The following SNPH variants were observed in gnomAD, a reference collection of about 807,000 sequenced individuals.
The protein encoded by SNPH is syntaphilin.
In SNPH, 10 loss-of-function variants were observed where a neutral mutation model predicts 36.8. The observed-to-expected ratio is 0.27, with a 90% CI of 0.17 to 0.46. SNPH has a LOEUF of 0.46. Among genes scored for constraint, SNPH ranks in the 20% least tolerant of loss-of-function variants. The probability of loss-of-function intolerance (pLI) is 1.00; values close to 1 mark genes in which losing one functional copy is unlikely to be tolerated. For missense variants in SNPH, 622 were observed against 744.0 expected (o/e 0.84, Z 1.91); for synonymous variants, 281 against 312.2 (o/e 0.90, Z 1.05).
Position 1,305,610 on chromosome 20 carries a change from G to C in SNPH, c.1173G>C (p.Arg391Ser), listed in dbSNP as rs1443742269. ...GGACAGACCCTGAGTCAGGGGACAGGTGCCCAGAGCTGGATGCCCACCCTT... is the reference window on the plus strand; with the variant it reads ...GGACAGACCCTGAGTCAGGGGACAGCTGCCCAGAGCTGGATGCCCACCCTT... Reference protein sequence around the residue: ...VCGTDPESGDRCPELDAHPSG... With the variant: ...VCGTDPESGDSCPELDAHPSG... The change falls in exon 7 of 7, where the codon AGG (arginine) becomes AGC (serine). Residue 391 changes from arginine to serine, a missense_variant. By Grantham distance (110) the Arg-to-Ser change is moderately radical (BLOSUM62 -1). Around this residue, in one of 3 missense-constraint regions of SNPH, gnomAD observed 379 missense variants for 427.9 expected, o/e 0.89. Coordinates refer to ENST00000381867, the MANE Select transcript of SNPH (RefSeq NM_001318234.2). 22 of 1,613,444 alleles carry C rather than the reference G, an allele frequency of 1.4e-5. No individual in the cohort carries two copies. The Admixed American group carries it at 3.3e-4, about 24-fold the overall frequency.
intron 4 of SNPH, 179 bp from the exon 5 acceptor site, chr20:1,296,966 T>C (rs1455958123): frequency 4.9e-6 from 4 of 822,730 alleles, no homozygotes; most frequent in Non-Finnish European, 5.9e-6. Context: ...GTTTTCCATC[T>C]TGATTTGCAC....
chr20:1,283,833 GAGA>G (rs776055654), intron 2 of SNPH, among the ~76,000 whole-genome samples: 28 of 152,284 alleles, frequency 1.8e-4, no homozygotes, highest in Non-Finnish European at 2.9e-4. Flanking sequence ...TCAATCTGCT[GAGA>G]AGGAGGAGAA....
At chr20:1,291,335 G>A (rs73579338) in intron 2 of SNPH, among the ~76,000 whole-genome samples, 183 of 152,342 alleles carry the variant, frequency 1.2e-3, no homozygotes, top group African/African-American at 4.1e-3. Context: ...GAAACAGGAA[G>A]CAAGCTGGAG....
At chr20:1,295,340 G>A (rs2088415426) in intron 3 of SNPH, among the ~76,000 whole-genome samples, 1 of 152,216 alleles carries the variant, frequency 6.6e-6, no homozygotes, top group Non-Finnish European at 1.5e-5. Context: ...ACCCAGGAAA[G>A]AAGCCTAAGG....
At position 1,304,016 on chromosome 20, in the gene SNPH, AC is replaced by A. The variant is rs1305559359; in HGVS notation, c.441-860del. 6.6e-6 allele frequency among the ~76,000 whole-genome samples: 1 copy of A among 151,074 alleles called. No homozygotes were observed. The highest frequency in any genetic ancestry group is 2.4e-5 in the African/African-American group (1 of 40,998). ...ACCTGATGGCATATTTTTCTAACTT[AC>A]CTCCCTCCCCTTGCACCCCTGGATT... On this transcript the variant is annotated intron_variant, in intron 6 of 6. Transcript: ENST00000381867. The surrounding 1 kb of genome is among the most constrained non-coding windows in gnomAD (Gnocchi z 4.3).
At position 1,266,835 on chromosome 20, in the gene SNPH, C is replaced by G. The variant is rs1398932804; in HGVS notation, c.-493+75C>G. The G allele has an allele frequency of 2.3e-6, 3 of 1,303,636 alleles. No individual in the cohort carries two copies. Among genetic ancestry groups the G allele is most frequent in the African/African-American group, 1.5e-5 (1 of 64,584 alleles). 80.8% of individuals were successfully genotyped at this position (1,303,636 alleles called of 1,614,324 possible). ...CAGGTGGGGGCCGCTTGCAACCGCTCGCTGCGGTAGAATCCCTTGGAGGGC... is the reference window on the plus strand; with the variant it reads ...CAGGTGGGGGCCGCTTGCAACCGCTGGCTGCGGTAGAATCCCTTGGAGGGC... On this transcript the variant is annotated intron_variant, in intron 2 of 6. Transcript: ENST00000381867. The surrounding 1 kb of genome is among the most constrained non-coding windows in gnomAD (Gnocchi z 6.0).
intron 2 of SNPH, among the ~76,000 whole-genome samples, chr20:1,281,137 A>G (rs924230852): frequency 1.9e-4 from 29 of 152,060 alleles, no homozygotes; most frequent in African/African-American, 6.8e-4. Flanking sequence ...CGTCATCACA[A>G]TTCTTCCCTT....
chr20:1,298,202 C>CTT (rs1300137763), intron 5 of SNPH, among the ~76,000 whole-genome samples: 1 of 152,194 alleles, frequency 6.6e-6, no homozygotes, highest in Non-Finnish European at 1.5e-5. Context: ...TAAAGTGGAG[C>CTT]TAATAACTCG....
In SNPH at chr20:1,304,244, G is replaced by A. The variant is rs1174493214; in HGVS notation, c.441-634G>A. On this transcript the variant is annotated intron_variant, in intron 6 of 6. Coordinates refer to ENST00000381867, the MANE Select transcript of SNPH (RefSeq NM_001318234.2). The surrounding 1 kb of genome is among the most constrained non-coding windows in gnomAD (Gnocchi z 4.3). Reference sequence around the variant, plus strand: ...AAGCTTCTAGCATGGATAGATGAGAGCCACCCTGTTCTTATCACTCTCCCG... The same window carrying A: ...AAGCTTCTAGCATGGATAGATGAGAACCACCCTGTTCTTATCACTCTCCCG... Among the ~76,000 whole-genome samples, 2 of 152,114 alleles carry A rather than the reference G, an allele frequency of 1.3e-5. No homozygotes were observed. Among genetic ancestry groups the A allele is most frequent in the Admixed American group, 6.5e-5 (1 of 15,272 alleles).
At position 1,285,746 on chromosome 20, in the gene SNPH, G is replaced by T. The variant is rs911629011; in HGVS notation, c.-492-9205G>T. On this transcript the variant is annotated intron_variant, in intron 2 of 6. Transcript: ENST00000381867. This position sits in a 1 kb window ranked among gnomAD's most constrained non-coding sequence, Gnocchi z 4.9. ...AGTTACATTTGATGTTCAAGCCGTG[G>T]TTTCTTTCTGTCGGGTTAGTCTGCC... is the stretch of plus-strand genomic sequence containing the variant. 6.6e-6 allele frequency among the ~76,000 whole-genome samples: 1 copy of T among 152,120 alleles called. No homozygotes were observed. The highest frequency in any genetic ancestry group is 1.5e-5 in the Non-Finnish European group (1 of 68,034).
At chr20:1,273,393 G>A (rs971154826) in intron 2 of SNPH, among the ~76,000 whole-genome samples, 1 of 152,188 alleles carries the variant, frequency 6.6e-6, no homozygotes, top group Non-Finnish European at 1.5e-5. Context: ...ACCTATCATG[G>A]TAAGGTTCTA....
rs753370819 is a variant in SNPH at position 1,306,260 on chromosome 20, G to C, written c.*206G>C. The C allele has an allele frequency of 6.4e-6, 3 of 468,172 alleles. No homozygotes were observed. The highest frequency in any genetic ancestry group is 1.1e-5 in the Non-Finnish European group (3 of 279,718). 29.0% of individuals were successfully genotyped at this position (468,172 alleles called of 1,614,324 possible). A position where few individuals can be genotyped will look rare whatever the true frequency, so the allele number is the denominator to read the frequency against. ...AAAGCTTCGATGGAGAGCAGGGAAGGGGGACCCAAGGCAGGAGGTACACCA... is the reference window on the plus strand; with the variant it reads ...AAAGCTTCGATGGAGAGCAGGGAAGCGGGACCCAAGGCAGGAGGTACACCA... On this transcript the variant is annotated 3_prime_UTR_variant, in exon 7 of 7. Coordinates refer to ENST00000381867, the MANE Select transcript of SNPH (RefSeq NM_001318234.2).
intron 2 of SNPH, among the ~76,000 whole-genome samples, chr20:1,291,405 G>A (rs929231254): frequency 1.3e-5 from 2 of 152,222 alleles, no homozygotes; most frequent in Non-Finnish European, 2.9e-5. Context: ...AGGAGCAGAG[G>A]CACATAGTGG....
intron 2 of SNPH, among the ~76,000 whole-genome samples, chr20:1,291,505 G>A (rs1232904228): frequency 6.6e-6 from 1 of 152,194 alleles, no homozygotes; most frequent in Non-Finnish European, 1.5e-5. Context: ...CTAGAGTGTG[G>A]CTGCTGGAAC....
At chr20:1,286,395 A>C (rs142500882) in intron 2 of SNPH, among the ~76,000 whole-genome samples, 2 of 152,314 alleles carry the variant, frequency 1.3e-5, no homozygotes, top group Non-Finnish European at 2.9e-5. Flanking sequence ...TGAGGACAGC[A>C]GGGCAGCTGC....
rs1017679247 is a variant in SNPH, at chr20:1,300,599, G to A, written c.328G>A (p.Gly110Ser). The change falls in exon 6 of 7, where the codon GGC (glycine) becomes AGC (serine). Residue 110 changes from glycine to serine, a missense_variant. Coordinates refer to ENST00000381867, the MANE Select transcript of SNPH (RefSeq NM_001318234.2). ...ATACACGCTGTGCAGTGACAACCAT[G>A]GCATCAAGCCCCCGACCCCGGAGCA... ...MKYTLCSDNHGIKPPTPEQYL... is the reference protein window; with the variant it reads ...MKYTLCSDNHSIKPPTPEQYL... 6.2e-7 allele frequency: 1 copy of A among 1,613,952 alleles called. No individual in the cohort carries two copies. Among genetic ancestry groups the A allele is most frequent in the Admixed American group, 1.7e-5 (1 of 60,016 alleles).
intron 2 of SNPH, among the ~76,000 whole-genome samples, chr20:1,288,050 C>T (rs902862154): frequency 2.6e-5 from 4 of 152,222 alleles, no homozygotes; most frequent in South Asian, 4.1e-4. Context: ...CCCTACTACT[C>T]CCTACCCAGA....
At chr20:1,273,859 C>T (rs1196509555) in intron 2 of SNPH, among the ~76,000 whole-genome samples, 5 of 152,182 alleles carry the variant, frequency 3.3e-5, no homozygotes, top group East Asian at 1.9e-4. Flanking sequence ...GAGAAAGACA[C>T]TGAGACTCAG....
chr20:1,269,490 C>T (rs1239392178), intron 2 of SNPH, among the ~76,000 whole-genome samples: 3 of 152,204 alleles, frequency 2.0e-5, no homozygotes, highest in Admixed American at 6.5e-5. Flanking sequence ...CTGTCTGCAT[C>T]GTCCCCTTCC....
Sources: gnomAD v4.1 joint callset for allele counts (sites outside exome capture counted in the v4.1 genomes callset) on GRCh38, gnomAD v4.1.1 for gene constraint, gnomAD v4.1.1 regional missense constraint, Gnocchi (gnomAD v3.1) non-coding constraint, MANE v1.5 for transcripts, NCBI Gene and HGNC (gene_info 2026-07-23, HGNC 2026-07-21) for gene names.